TOM1L2: variants seen among roughly 807,000 people sequenced by gnomAD.
TOM1L2 encodes the protein target of myb1 like 2 membrane trafficking protein, also known as TOM1-like protein 2.
Under a neutral mutation model 67.9 loss-of-function variants are expected in TOM1L2, and 31 were observed. The ratio of observed to expected loss-of-function variants is 0.46; its 90% CI spans 0.34 to 0.62. TOM1L2 has a LOEUF of 0.62. TOM1L2 is among the 20% of genes least tolerant of loss of function. The pLI is 0.01. For synonymous variants in TOM1L2, 256 were observed against 254.0 expected (o/e 1.01, Z -0.07); for missense variants, 606 against 663.5 (o/e 0.91, Z 0.95).
chr17:17,943,804 T>C (rs1398640857), intron 1 of TOM1L2, among the ~76,000 whole-genome samples: 1 of 152,204 alleles, frequency 6.6e-6, no homozygotes, highest in Non-Finnish European at 1.5e-5. Context: ...TGACTATCTC[T>C]AACCAGCCCT....
chr17:17,862,923 T>A, intron 10 of TOM1L2, 75 bp from the exon 11 acceptor site: 2 of 801,550 alleles, frequency 2.5e-6, no homozygotes, highest in Non-Finnish European at 3.6e-6. Flanking sequence ...GCCCCCAAGC[T>A]AGGACGCCAG....
At chr17:17,920,251 G>C (rs573276841) in intron 1 of TOM1L2, among the ~76,000 whole-genome samples, 1 of 150,830 alleles carries the variant, frequency 6.6e-6, no homozygotes, top group African/African-American at 2.4e-5. Context: ...TTTTATTTTG[G>C]AATAATTTTA....
chr17:17,843,807 C>T lies in TOM1L2; in HGVS notation c.*3828G>A, dbSNP rs956855329. 2.0e-5 allele frequency: 3 copies of T among 152,448 alleles called. No homozygotes were observed. The highest frequency in any genetic ancestry group is 4.8e-5 in the African/African-American group (2 of 41,456). 9.4% of individuals were successfully genotyped at this position (152,448 alleles called of 1,614,324 possible). ...ACTTTAGGAAATAAATATCCGTCCCCCTCTCCGGGAGAGCCTGGAGGTATG... is the reference window on the plus strand; with the variant it reads ...ACTTTAGGAAATAAATATCCGTCCCTCTCTCCGGGAGAGCCTGGAGGTATG... On this transcript the variant is annotated 3_prime_UTR_variant, in exon 15 of 15. Coordinates refer to ENST00000379504, the MANE Select transcript of TOM1L2 (RefSeq NM_001082968.2).
At chr17:17,876,326 G>A (rs1189793316) in intron 7 of TOM1L2, among the ~76,000 whole-genome samples, 1 of 152,180 alleles carries the variant, frequency 6.6e-6, no homozygotes, top group Non-Finnish European at 1.5e-5. Flanking sequence ...TCAGCTGATG[G>A]AAGCTCTCCA....
At chr17:17,860,666 G>A (rs1598198004) in intron 12 of TOM1L2, among the ~76,000 whole-genome samples, 1 of 152,290 alleles carries the variant, frequency 6.6e-6, no homozygotes, top group East Asian at 1.9e-4. Context: ...AGCTGTTGTC[G>A]GCAGCTATTC....
intron 1 of TOM1L2, among the ~76,000 whole-genome samples, chr17:17,919,602 T>C (rs2039769013): frequency 6.6e-6 from 1 of 152,146 alleles, no homozygotes; most frequent in African/African-American, 2.4e-5. Context: ...AGTAAAAAGA[T>C]TCCCCATAAG....
At chr17:17,900,329 G>C (rs764412291) in intron 2 of TOM1L2, among the ~76,000 whole-genome samples, 10 of 152,044 alleles carry the variant, frequency 6.6e-5, no homozygotes, top group Non-Finnish European at 1.0e-4. Context: ...AGACCAGCCT[G>C]GCCAACATGG....
intron 12 of TOM1L2, among the ~76,000 whole-genome samples, chr17:17,857,354 G>C (rs1174681956): frequency 6.6e-6 from 1 of 152,166 alleles, no homozygotes. Context: ...AAATTCACAG[G>C]CACTGGGCTA....
At chr17:17,868,931 G>A (rs1398095457) in intron 8 of TOM1L2, 1 of 165,570 alleles carries the variant, frequency 6.0e-6, no homozygotes, top group African/African-American at 2.4e-5. Context: ...TGGGAAAGAG[G>A]AAATCCTTTT....
At chr17:17,850,488 AGAAAT>A (rs1481733517) in intron 13 of TOM1L2, among the ~76,000 whole-genome samples, 4 of 151,866 alleles carry the variant, frequency 2.6e-5, no homozygotes, top group Admixed American at 6.6e-5. Context: ...TAAAAAAAAA[AGAAAT>A]GAAAACAAAA....
At chr17:17,958,252 C>G (rs2041545620) in intron 1 of TOM1L2, among the ~76,000 whole-genome samples, 1 of 152,136 alleles carries the variant, frequency 6.6e-6, no homozygotes, top group South Asian at 2.1e-4. Context: ...TGTGCCCCAC[C>G]CAAAGTCTCA....
At chr17:17,949,923 T>A (rs1014310797) in intron 1 of TOM1L2, among the ~76,000 whole-genome samples, 16 of 152,288 alleles carry the variant, frequency 1.1e-4, no homozygotes, top group African/African-American at 3.6e-4. Flanking sequence ...CAGGCTAGAG[T>A]GCAGTGGCAC....
intron 1 of TOM1L2, among the ~76,000 whole-genome samples, chr17:17,933,547 G>T (rs1195045891): frequency 2.6e-5 from 4 of 152,070 alleles, no homozygotes; most frequent in Non-Finnish European, 5.9e-5. Context: ...CATCAATCCT[G>T]GCCTCATGGG....
chr17:17,918,762 C>A (rs1387229464), intron 1 of TOM1L2, among the ~76,000 whole-genome samples: 2 of 152,182 alleles, frequency 1.3e-5, no homozygotes, highest in Non-Finnish European at 2.9e-5. Flanking sequence ...CCTTCAAGAC[C>A]ATTCTAATGT....
intron 1 of TOM1L2, among the ~76,000 whole-genome samples, chr17:17,937,881 C>T (rs1245089755): frequency 6.6e-6 from 1 of 152,186 alleles, no homozygotes. Flanking sequence ...TTAAAGACAG[C>T]TCCCGCATTG....
chr17:17,849,339 C>A (rs556080792), intron 13 of TOM1L2, among the ~76,000 whole-genome samples: 24 of 152,348 alleles, frequency 1.6e-4, no homozygotes, highest in Admixed American at 1.6e-3. Flanking sequence ...TAGCTGGAAA[C>A]CGCATGAGGC....
intron 1 of TOM1L2, among the ~76,000 whole-genome samples, chr17:17,917,858 G>T (rs1486394595): frequency 6.6e-6 from 1 of 151,946 alleles, no homozygotes; most frequent in Non-Finnish European, 1.5e-5. Flanking sequence ...AGGAGGCTAA[G>T]GTGGGAGGAT....
At chr17:17,862,399 T>G (rs2036604818) in intron 11 of TOM1L2, 1 of 216,438 alleles carries the variant, frequency 4.6e-6, no homozygotes, top group Non-Finnish European at 9.1e-6. Context: ...AAGCTTCTCC[T>G]GTGGATGAGG....
chr17:17,907,045 G>A (rs767898853), intron 2 of TOM1L2, among the ~76,000 whole-genome samples: 7 of 152,214 alleles, frequency 4.6e-5, no homozygotes, highest in Non-Finnish European at 8.8e-5. Flanking sequence ...TCCCTCCATG[G>A]ACACGGTGGT....
Sources: allele counts gnomAD v4.1 joint callset (sites outside exome capture counted in the v4.1 genomes callset), GRCh38; gene constraint gnomAD v4.1.1; transcripts MANE v1.5; gene names NCBI Gene and HGNC (gene_info 2026-07-23, HGNC 2026-07-21).